The following ERC2 variants were observed in gnomAD, a reference collection of about 807,000 sequenced individuals.
ERC2 encodes the protein ELKS/RAB6-interacting/CAST family member 2, also known as ERC protein 2.
In ERC2, 42 loss-of-function variants were observed where a neutral mutation model predicts 114.8. That is an observed-to-expected ratio of 0.37 (90% confidence interval 0.29 to 0.47). ERC2 has a LOEUF of 0.47. Ranked by LOEUF, ERC2 falls within the 20% of genes least tolerant of loss-of-function variation. The pLI, the probability that ERC2 is intolerant of heterozygous loss-of-function variation, is 0.99. For synonymous variants in ERC2, 454 were observed against 425.5 expected, an observed-to-expected ratio of 1.07 and a Z score of -0.82; for missense variants, 939 against 1,150.7, an observed-to-expected ratio of 0.82 and a Z score of 2.66.
chr3:56,345,204 C>T (rs73832595), intron 2 of ERC2, among the ~76,000 whole-genome samples: 1 of 152,130 alleles, frequency 6.6e-6, no homozygotes, highest in African/African-American at 2.4e-5. Context: ...ATCTGGTTTA[C>T]CCTCCCTGAA....
intron 13 of ERC2, among the ~76,000 whole-genome samples, chr3:55,897,416 C>T (rs946928777): frequency 3.9e-5 from 6 of 152,226 alleles, no homozygotes; most frequent in African/African-American, 1.4e-4. Flanking sequence ...CAAAAACAGA[C>T]AGGCTCTTCT....
chr3:56,085,119 C>CTTTTTG, intron 6 of ERC2, among the ~76,000 whole-genome samples: 1 of 152,062 alleles, frequency 6.6e-6, no homozygotes, highest in African/African-American at 2.4e-5. Context: ...GGCAGGAATC[C>CTTTTTG]GTTTTTGGTA....
intron 14 of ERC2, among the ~76,000 whole-genome samples, chr3:55,811,738 C>A (rs969456640): frequency 6.6e-5 from 10 of 152,180 alleles, no homozygotes; most frequent in Non-Finnish European, 1.5e-5. Context: ...GACTATGCAC[C>A]CCCAAGGCCT....
At chr3:55,710,122 T>A (rs2063701950) in intron 15 of ERC2, among the ~76,000 whole-genome samples, 1 of 152,128 alleles carries the variant, frequency 6.6e-6, no homozygotes, top group African/African-American at 2.4e-5. Flanking sequence ...ACACCTTTAC[T>A]AGCTTTACAC....
chr3:55,553,011 A>ATTTTTTTTTTTTTTTTTTTTTTTTTT lies in ERC2; in HGVS notation c.*40-41761_*40-41736dup. Among the ~76,000 whole-genome samples, 39 of 55,220 alleles carry ATTTTTTTTTTTTTTTTTTTTTTTTTT rather than the reference A, an allele frequency of 7.1e-4. 7 individuals carry two copies. The highest frequency in any genetic ancestry group is 7.6e-4 in the Non-Finnish European group (23 of 30,194). 36.2% of individuals were successfully genotyped at this position (55,220 alleles called of 152,430 possible). On this transcript the variant is annotated intron_variant, in intron 17 of 17. Transcript: ENST00000288221. ...GTCGTTATTATTGTGGGGCTTCCAGATTTTTTTTTTTTTTTTTTTTTTTTT... is the reference window on the plus strand; with the variant it reads ...GTCGTTATTATTGTGGGGCTTCCAGATTTTTTTTTTTTTTTTTTTTTTTTTTTTTTTTTTTTTTTTTTTTTTTTTTT...
At chr3:56,354,622 C>T (rs181864409) in intron 2 of ERC2, among the ~76,000 whole-genome samples, 2 of 152,126 alleles carry the variant, frequency 1.3e-5, no homozygotes, top group Non-Finnish European at 2.9e-5. Context: ...CATATTTGTC[C>T]TAACTCTCCA....
intron 2 of ERC2, among the ~76,000 whole-genome samples, chr3:56,431,102 T>C (rs546880426): frequency 5.9e-5 from 9 of 152,288 alleles, no homozygotes; most frequent in African/African-American, 2.2e-4. Context: ...ATGAAATCAC[T>C]AAATAAGATA....
rs116977621 is a variant in ERC2 at position 55,814,235 on chromosome 3, G to A, written c.2564+74154C>T. 3.3e-5 allele frequency among the ~76,000 whole-genome samples: 5 copies of A among 152,308 alleles called. No homozygotes were observed. In the South Asian group the frequency reaches 8.3e-4, roughly 25 times the overall value. ...TTAAATTAGAAGATTTTGGTTCCTA[G>A]ACATGCATAATCCAACCTTCAGGGT... On this transcript the variant is annotated intron_variant, in intron 14 of 17. Coordinates refer to ENST00000288221, the MANE Select transcript of ERC2 (RefSeq NM_015576.3).
intron 14 of ERC2, among the ~76,000 whole-genome samples, chr3:55,843,237 C>G (rs2061213891): frequency 6.6e-6 from 1 of 152,092 alleles, no homozygotes; most frequent in African/African-American, 2.4e-5. Flanking sequence ...GGAGCACAGA[C>G]TGGATAGAGG....
chr3:56,011,426 C>T (rs1255643624), intron 8 of ERC2, among the ~76,000 whole-genome samples: 1 of 152,108 alleles, frequency 6.6e-6, no homozygotes, highest in African/African-American at 2.4e-5. Flanking sequence ...AACAGAACGC[C>T]TCCCACATCC....
At chr3:55,782,550 C>A (rs1291211376) in intron 14 of ERC2, among the ~76,000 whole-genome samples, 36 of 152,314 alleles carry the variant, frequency 2.4e-4, no homozygotes, top group African/African-American at 7.2e-5. Context: ...GATCTATTTA[C>A]TCGACAAATA....
chr3:56,196,323 T>C (rs1438713184), intron 3 of ERC2, among the ~76,000 whole-genome samples: 1 of 152,234 alleles, frequency 6.6e-6, no homozygotes, highest in East Asian at 1.9e-4. Flanking sequence ...TATGAGATAA[T>C]GTCCACTATA....
chr3:56,446,623 T>TC (rs1395976040), intron 1 of ERC2, among the ~76,000 whole-genome samples: 32 of 110,510 alleles, frequency 2.9e-4, no homozygotes, highest in African/African-American at 1.1e-3. Context: ...TTTTTTTTTT[T>TC]TCTTTCTTTT....
At chr3:56,103,357 T>C (rs113119205) in intron 6 of ERC2, among the ~76,000 whole-genome samples, 1 of 152,118 alleles carries the variant, frequency 6.6e-6, no homozygotes, top group African/African-American at 2.4e-5. Context: ...GGAAGTGGCA[T>C]GATCAAATAT....
At chr3:55,751,746 G>T (rs978672435) in intron 14 of ERC2, among the ~76,000 whole-genome samples, 2 of 152,142 alleles carry the variant, frequency 1.3e-5, no homozygotes, top group Non-Finnish European at 2.9e-5. Flanking sequence ...AATGGCCTGG[G>T]CTCCCTCATA....
At position 56,161,368 on chromosome 3, in the gene ERC2, C is replaced by T. The variant is rs1003125210; in HGVS notation, c.1149+12078G>A. Among the ~76,000 whole-genome samples the T allele has an allele frequency of 2.0e-5, 3 of 152,152 alleles. 1 individual carries two copies. The highest frequency in any genetic ancestry group is 2.0e-4 in the Admixed American group (3 of 15,272). ...ATGTGAGGACAGCCTATTACAATTG[C>T]TTTGGCTATTCAAGTTCTTTTTTGG... On this transcript the variant is annotated intron_variant, in intron 4 of 17. Transcript: ENST00000288221.
chr3:55,929,975 C>T (rs1005107611), intron 13 of ERC2, among the ~76,000 whole-genome samples: 1 of 152,186 alleles, frequency 6.6e-6, no homozygotes, highest in Non-Finnish European at 1.5e-5. Flanking sequence ...CACCATGGCT[C>T]ATGCCTGTAA....
intron 12 of ERC2, among the ~76,000 whole-genome samples, chr3:55,973,113 C>G (rs2069300318): frequency 6.6e-6 from 1 of 152,128 alleles, no homozygotes; most frequent in African/African-American, 2.4e-5. Flanking sequence ...ACAGGGGCCT[C>G]CAGACACAGG....
chr3:56,366,492 C>T (rs927427645), intron 2 of ERC2, among the ~76,000 whole-genome samples: 1 of 152,192 alleles, frequency 6.6e-6, no homozygotes. Flanking sequence ...TGTTTGCAGG[C>T]TCTCACAGGC....
Sources: allele counts gnomAD v4.1 joint callset (sites outside exome capture counted in the v4.1 genomes callset), GRCh38; gene constraint gnomAD v4.1.1; transcripts MANE v1.5; gene names NCBI Gene and HGNC (gene_info 2026-07-23, HGNC 2026-07-21).